NPAS3: variants seen among roughly 807,000 people sequenced by gnomAD.
The protein encoded by NPAS3 is neuronal PAS domain-containing protein 3.
In NPAS3, 14 loss-of-function variants were observed where a neutral mutation model predicts 73.1. The observed-to-expected ratio is 0.19, with a 90% CI of 0.13 to 0.30. The LOEUF (loss-of-function observed/expected upper bound fraction) is 0.30, where lower values mean the gene tolerates loss of function less well. NPAS3 is among the 10% of genes least tolerant of loss of function. The pLI, the probability that NPAS3 is intolerant of heterozygous loss-of-function variation, is 1.00. For synonymous variants in NPAS3, 620 were observed against 541.5 expected (o/e 1.14, Z -2.01); for missense variants, 1,096 against 1,250.0 (o/e 0.88, Z 1.86).
At chr14:33,299,870 G>A (rs767143800) in intron 3 of NPAS3, among the ~76,000 whole-genome samples, 1 of 152,126 alleles carries the variant, frequency 6.6e-6, no homozygotes, top group Non-Finnish European at 1.5e-5. Flanking sequence ...AGTAGTTTCT[G>A]AATAGAAAGT....
In NPAS3 at chr14:33,109,810, C is replaced by CTTTTTT. The variant is rs67439887; in HGVS notation, c.140+53835_140+53840dup. On this transcript the variant is annotated intron_variant, in intron 2 of 11. Transcript: ENST00000356141. ...TACCTCTTATCTGTAATTTGCATGT[C>CTTTTTT]TTTTTTTTTTTTTTTTTTTTTTTTG... Among the ~76,000 whole-genome samples the CTTTTTT allele has an allele frequency of 1.1e-3, 99 of 86,976 alleles. 2 individuals are homozygous for CTTTTTT. Among genetic ancestry groups the CTTTTTT allele is most frequent in the East Asian group, 1.9e-3 (5 of 2,584 alleles). 57.1% of individuals were successfully genotyped at this position (86,976 alleles called of 152,430 possible). A position where few individuals can be genotyped will look rare whatever the true frequency, so the allele number is the denominator to read the frequency against.
At chr14:33,081,178 G>A (rs1410888268) in intron 2 of NPAS3, among the ~76,000 whole-genome samples, 1 of 152,120 alleles carries the variant, frequency 6.6e-6, no homozygotes, top group Non-Finnish European at 1.5e-5. Flanking sequence ...GGGTGGTATG[G>A]CCGTAGACTA....
intron 1 of NPAS3, among the ~76,000 whole-genome samples, chr14:32,989,561 G>A (rs1193349094): frequency 6.6e-6 from 1 of 151,688 alleles, no homozygotes; most frequent in Non-Finnish European, 1.5e-5. Context: ...GGAGAATGGC[G>A]TGAACCCCAG....
At chr14:33,691,463 C>G (rs2060233791) in intron 6 of NPAS3, among the ~76,000 whole-genome samples, 1 of 152,096 alleles carries the variant, frequency 6.6e-6, no homozygotes, top group Non-Finnish European at 1.5e-5. Context: ...TTCATTTGTT[C>G]ATGGTCCTAA....
chr14:33,032,033 G>C (rs947597807), intron 1 of NPAS3, among the ~76,000 whole-genome samples: 5 of 152,224 alleles, frequency 3.3e-5, no homozygotes, highest in African/African-American at 1.2e-4. Context: ...ACTCATCTTA[G>C]ATGACTGTCG....
chr14:33,070,225 T>C (rs2041436212), intron 2 of NPAS3, among the ~76,000 whole-genome samples: 1 of 152,214 alleles, frequency 6.6e-6, no homozygotes, highest in Non-Finnish European at 1.5e-5. Flanking sequence ...GTTTATATTA[T>C]ATTTATAAAA....
intron 5 of NPAS3, among the ~76,000 whole-genome samples, chr14:33,667,245 C>T (rs910677716): frequency 2.0e-5 from 3 of 152,158 alleles, no homozygotes; most frequent in African/African-American, 7.2e-5. Flanking sequence ...TGACTCGTGC[C>T]TTCCATATGG....
chr14:33,249,146 G>T (rs570370060), intron 3 of NPAS3, among the ~76,000 whole-genome samples: 1 of 152,024 alleles, frequency 6.6e-6, no homozygotes, highest in Non-Finnish European at 1.5e-5. Flanking sequence ...TAAAATTTTC[G>T]AAGATTAGAA....
intron 3 of NPAS3, among the ~76,000 whole-genome samples, chr14:33,254,613 G>A (rs566235031): frequency 2.6e-5 from 4 of 152,242 alleles, no homozygotes; most frequent in South Asian, 2.1e-4. Flanking sequence ...ATGGCTTAAT[G>A]TTTCAGGAGA....
chr14:33,170,881 A>G (rs1329843522), intron 2 of NPAS3, among the ~76,000 whole-genome samples: 1 of 152,172 alleles, frequency 6.6e-6, no homozygotes, highest in Admixed American at 6.5e-5. Flanking sequence ...ACTTCTTCCC[A>G]TCTTCTGTTA....
Position 33,509,090 on chromosome 14 carries a change from A to G in NPAS3, c.469-51031A>G, listed in dbSNP as rs999292087. 2.7e-4 allele frequency among the ~76,000 whole-genome samples: 41 copies of G among 150,886 alleles called. 1 individual carries two copies. Among genetic ancestry groups the G allele is most frequent in the Middle Eastern group, 6.3e-3 (2 of 316 alleles). Reference sequence around the variant, plus strand: ...TTTTTTACCTGAGACTATATCCTATATGTAAGTAAGAGGATTCAATAGTCT... The same window carrying G: ...TTTTTTACCTGAGACTATATCCTATGTGTAAGTAAGAGGATTCAATAGTCT... On this transcript the variant is annotated intron_variant, in intron 4 of 11. Transcript: ENST00000356141.
chr14:33,376,491 G>A (rs1010634595), intron 4 of NPAS3, among the ~76,000 whole-genome samples: 12 of 152,106 alleles, frequency 7.9e-5, no homozygotes, highest in African/African-American at 2.9e-4. Flanking sequence ...TATATTCAGA[G>A]TGTAAAATTT....
At chr14:33,089,833 A>G (rs1015671837) in intron 2 of NPAS3, among the ~76,000 whole-genome samples, 3 of 152,202 alleles carry the variant, frequency 2.0e-5, no homozygotes, top group Non-Finnish European at 4.4e-5. Flanking sequence ...AAGAGAGTGG[A>G]GGCCAATATT....
At chr14:33,496,225 A>T (rs2052179382) in intron 4 of NPAS3, among the ~76,000 whole-genome samples, 1 of 152,058 alleles carries the variant, frequency 6.6e-6, no homozygotes, top group East Asian at 1.9e-4. Flanking sequence ...CAACCAAAAA[A>T]AGTCCAGGAC....
intron 6 of NPAS3, among the ~76,000 whole-genome samples, chr14:33,691,027 A>G (rs1393466071): frequency 1.3e-5 from 2 of 152,192 alleles, no homozygotes; most frequent in East Asian, 3.8e-4. Flanking sequence ...CTTAGTCCTA[A>G]ATTAAGTCTG....
At chr14:33,048,309 G>A (rs1214398337) in intron 1 of NPAS3, among the ~76,000 whole-genome samples, 1 of 152,220 alleles carries the variant, frequency 6.6e-6, no homozygotes, top group Non-Finnish European at 1.5e-5. Context: ...TAGTGCTGGG[G>A]CCTACTTTCT....
chr14:33,374,150 C>A (rs7143349), intron 4 of NPAS3, among the ~76,000 whole-genome samples: 33,054 of 151,938 alleles, frequency 0.22, 4,036 homozygotes, highest in East Asian at 0.35. Flanking sequence ...ATTTGTGTGG[C>A]TAAGATGGAT....
At chr14:33,501,081 G>A (rs1003873711) in intron 4 of NPAS3, among the ~76,000 whole-genome samples, 11 of 151,972 alleles carry the variant, frequency 7.2e-5, no homozygotes, top group Middle Eastern at 6.8e-3. Context: ...AATAATGTTA[G>A]CTACCAGAAG....
At chr14:33,301,305 AT>A (rs1232312732) in intron 3 of NPAS3, among the ~76,000 whole-genome samples, 3 of 59,694 alleles carry the variant, frequency 5.0e-5, no homozygotes, top group African/African-American at 1.7e-4. Flanking sequence ...AGGTTTTATC[AT>A]TATATATATA....
Sources: allele counts gnomAD v4.1 joint callset (sites outside exome capture counted in the v4.1 genomes callset), GRCh38; gene constraint gnomAD v4.1.1; transcripts MANE v1.5; gene names NCBI Gene and HGNC (gene_info 2026-07-23, HGNC 2026-07-21).